NEGR1: variants seen among roughly 807,000 people sequenced by gnomAD.
The protein encoded by NEGR1 is neuronal growth regulator 1, also known as IgLON family member 4.
Under a neutral mutation model 40.9 loss-of-function variants are expected in NEGR1, and 10 were observed. The observed-to-expected ratio is 0.24, with a 90% confidence interval of 0.15 to 0.42. The LOEUF is 0.42. Ranked by LOEUF, NEGR1 falls within the 10% of genes least tolerant of loss-of-function variation. The pLI is 1.00. For synonymous variants in NEGR1, 185 were observed against 166.8 expected, an observed-to-expected ratio of 1.11 and a Z score of -0.84; for missense variants, 352 against 438.9, an observed-to-expected ratio of 0.80 and a Z score of 1.77.
intron 1 of NEGR1, among the ~76,000 whole-genome samples, chr1:72,069,222 C>A (rs1647359886): frequency 6.6e-6 from 1 of 151,860 alleles, no homozygotes; most frequent in South Asian, 2.1e-4. Flanking sequence ...CCAGCCTGGG[C>A]AACATGGAGA....
At chr1:72,023,100 C>T (rs1275751640) in intron 1 of NEGR1, among the ~76,000 whole-genome samples, 3 of 152,094 alleles carry the variant, frequency 2.0e-5, no homozygotes, top group African/African-American at 7.2e-5. Context: ...TCTCATTAAA[C>T]AGTATTTCCT....
intron 1 of NEGR1, among the ~76,000 whole-genome samples, chr1:72,262,603 G>A (rs1404860926): frequency 6.6e-6 from 1 of 151,858 alleles, no homozygotes; most frequent in Non-Finnish European, 1.5e-5. Flanking sequence ...ACTATTAGTT[G>A]TATCAATGAA....
chr1:71,562,658 C>A (rs1473689370), intron 6 of NEGR1, among the ~76,000 whole-genome samples: 1 of 151,872 alleles, frequency 6.6e-6, no homozygotes, highest in Admixed American at 6.6e-5. Flanking sequence ...AGCTTGTTTT[C>A]TTTTCTTTTA....
At chr1:71,542,152 G>A (rs534349516) in intron 6 of NEGR1, among the ~76,000 whole-genome samples, 1 of 151,722 alleles carries the variant, frequency 6.6e-6, no homozygotes, top group Non-Finnish European at 1.5e-5. Flanking sequence ...GTACTTCTAT[G>A]ATAACACTAT....
At chr1:71,415,005 C>T (rs796703562) in intron 6 of NEGR1, among the ~76,000 whole-genome samples, 4 of 152,222 alleles carry the variant, frequency 2.6e-5, no homozygotes, top group African/African-American at 9.6e-5. Context: ...TGTCAGTCAG[C>T]TTTCCCGTTT....
chr1:71,488,803 G>A (rs1368163945), intron 6 of NEGR1, among the ~76,000 whole-genome samples: 1 of 151,576 alleles, frequency 6.6e-6, no homozygotes, highest in Non-Finnish European at 1.5e-5. Context: ...ACTAATGCAA[G>A]CAGAAGTATT....
intron 1 of NEGR1, among the ~76,000 whole-genome samples, chr1:71,995,055 C>T (rs368318800): frequency 9.8e-5 from 14 of 142,376 alleles, no homozygotes; most frequent in African/African-American, 3.6e-4. Context: ...GAGTTATTTT[C>T]TGAAAGAACA....
At chr1:72,004,605 G>A (rs1486099) in intron 1 of NEGR1, among the ~76,000 whole-genome samples, 79,182 of 151,990 alleles carry the variant, frequency 0.52, 21,599 homozygotes, top group East Asian at 0.67. Flanking sequence ...ACTTTTAACA[G>A]CAAAGTCTAC....
intron 1 of NEGR1, among the ~76,000 whole-genome samples, chr1:72,194,962 A>G (rs189690857): frequency 4.5e-4 from 69 of 152,160 alleles, no homozygotes; most frequent in African/African-American, 1.4e-3. Context: ...GCCCAAGCAC[A>G]GTATGTGCAC....
chr1:72,000,795 T>C (rs1479293965), intron 1 of NEGR1, among the ~76,000 whole-genome samples: 4 of 152,142 alleles, frequency 2.6e-5, no homozygotes, highest in Non-Finnish European at 5.9e-5. Context: ...TGTCATTTAT[T>C]TTATATTCTC....
At chr1:72,095,532 T>C (rs1038807441) in intron 1 of NEGR1, among the ~76,000 whole-genome samples, 14 of 152,156 alleles carry the variant, frequency 9.2e-5, no homozygotes, top group Non-Finnish European at 1.9e-4. Flanking sequence ...CTCCTTGTTA[T>C]AAAAGTCTCT....
intron 1 of NEGR1, among the ~76,000 whole-genome samples, chr1:72,129,747 T>C (rs1215420124): frequency 6.6e-6 from 1 of 152,240 alleles, no homozygotes; most frequent in African/African-American, 2.4e-5. Context: ...ATGACATTTC[T>C]ATGCCATTCA....
At chr1:71,615,417 T>C (rs893475437) in intron 4 of NEGR1, among the ~76,000 whole-genome samples, 3 of 152,170 alleles carry the variant, frequency 2.0e-5, no homozygotes, top group African/African-American at 7.2e-5. Context: ...TCAGAGATCC[T>C]GGATGATAAG....
At chr1:72,278,763 C>T (rs1489811870) in intron 1 of NEGR1, among the ~76,000 whole-genome samples, 1 of 151,744 alleles carries the variant, frequency 6.6e-6, no homozygotes, top group Non-Finnish European at 1.5e-5. Flanking sequence ...GTAAATGTCT[C>T]CATACAAGAT....
intron 1 of NEGR1, among the ~76,000 whole-genome samples, chr1:72,064,292 C>T (rs574466699): frequency 1.3e-5 from 2 of 151,906 alleles, no homozygotes; most frequent in Non-Finnish European, 2.9e-5. Context: ...AAAAATAAGC[C>T]CTCCAAATAC....
In NEGR1 at chr1:71,501,269, A is replaced by G. The variant is rs139555626; in HGVS notation, c.940+91548T>C. On this transcript the variant is annotated intron_variant, in intron 6 of 6. Transcript: ENST00000357731. ...ATATACGCAAATGATTTATATTTCT[A>G]AATGATGAGATATTTCCTTTAAAAT... is the stretch of plus-strand genomic sequence containing the variant. 1.3e-4 allele frequency among the ~76,000 whole-genome samples: 20 copies of G among 152,278 alleles called. No homozygotes were observed. The East Asian group carries it at 2.7e-3, about 21-fold the overall frequency.
intron 4 of NEGR1, among the ~76,000 whole-genome samples, chr1:71,681,929 C>T (rs866415508): frequency 2.0e-5 from 3 of 152,106 alleles, no homozygotes; most frequent in Admixed American, 6.6e-5. Context: ...AGGGTTCAAG[C>T]GATTCTCATG....
At chr1:71,870,746 C>T (rs1017078607) in intron 2 of NEGR1, among the ~76,000 whole-genome samples, 5 of 152,174 alleles carry the variant, frequency 3.3e-5, no homozygotes, top group African/African-American at 4.8e-5. Context: ...TTATCTGGCT[C>T]TGTAAGTGTC....
At chr1:71,660,764 A>C (rs1011599791) in intron 4 of NEGR1, among the ~76,000 whole-genome samples, 1 of 152,104 alleles carries the variant, frequency 6.6e-6, no homozygotes, top group Non-Finnish European at 1.5e-5. Context: ...GGTTTGTTAC[A>C]TAGGTATACA....
Sources: gnomAD v4.1 joint callset for allele counts (sites outside exome capture counted in the v4.1 genomes callset) on GRCh38, gnomAD v4.1.1 for gene constraint, MANE v1.5 for transcripts, NCBI Gene and HGNC (gene_info 2026-07-23, HGNC 2026-07-21) for gene names.